Variants in ING4 observed in about 807,000 individuals in gnomAD.
ING4 encodes inhibitor of growth protein 4.
ING4 carries 28 observed loss-of-function variants against 33.1 expected under a neutral mutation model. That is an observed-to-expected ratio of 0.85 (90% CI 0.63 to 1.16). The LOEUF is 1.16. Ranked by LOEUF, ING4 falls within the 50% of genes most tolerant of loss-of-function variation. The pLI is 0.00. For synonymous variants in ING4, 87 were observed against 104.4 expected, an observed-to-expected ratio of 0.83 and a Z score of 1.02; for missense variants, 247 against 314.7, an observed-to-expected ratio of 0.78 and a Z score of 1.63.
intron 1 of ING4, among the ~76,000 whole-genome samples, chr12:6,660,676 TAA>T (rs986377601): frequency 1.3e-5 from 2 of 152,132 alleles, no homozygotes; most frequent in Non-Finnish European, 2.9e-5. Flanking sequence ...CTCTACTGTT[TAA>T]ACCTACAACT....
At chr12:6,658,440 C>T (rs999311105) in intron 1 of ING4, among the ~76,000 whole-genome samples, 7 of 151,584 alleles carry the variant, frequency 4.6e-5, no homozygotes, top group Non-Finnish European at 2.9e-5. Flanking sequence ...AATCCCAGCA[C>T]TTTGGGAGGC....
chr12:6,661,167 G>C (rs569848200), intron 1 of ING4, among the ~76,000 whole-genome samples: 3 of 147,152 alleles, frequency 2.0e-5, no homozygotes, highest in Non-Finnish European at 4.5e-5. Flanking sequence ...GCATGATCTC[G>C]GCCCACTGCA....
At chr12:6,654,272 AG>A (rs1418168526) in intron 2 of ING4, among the ~76,000 whole-genome samples, 1 of 151,980 alleles carries the variant, frequency 6.6e-6, no homozygotes, top group African/African-American at 2.4e-5. Context: ...ATTTAAAATT[AG>A]ACCTTACTCC....
chr12:6,658,396 G>A (rs1949440165), intron 1 of ING4, among the ~76,000 whole-genome samples: 1 of 151,410 alleles, frequency 6.6e-6, no homozygotes, highest in Non-Finnish European at 1.5e-5. Context: ...TTTAAAAAAT[G>A]CAAACCTGGC....
intron 1 of ING4, among the ~76,000 whole-genome samples, chr12:6,658,048 C>A (rs1198867484): frequency 2.0e-5 from 3 of 151,796 alleles, no homozygotes; most frequent in Non-Finnish European, 4.4e-5. Context: ...CAGCCTCCAC[C>A]TCCTGGGTTC....
intron 1 of ING4, among the ~76,000 whole-genome samples, chr12:6,662,514 C>T (rs1949586491): frequency 6.6e-6 from 1 of 152,156 alleles, no homozygotes; most frequent in African/African-American, 2.4e-5. Context: ...GCGCACAGAG[C>T]AATAGGCTTT....
chr12:6,654,349 G>C (rs138530648), intron 2 of ING4, among the ~76,000 whole-genome samples: 3,248 of 140,566 alleles, frequency 0.023, 137 homozygotes, highest in African/African-American at 0.082. Context: ...TTTTTTTTGA[G>C]ACAGGGTCTC....
chr12:6,660,000 TCTCCCC>T (rs1398487757), intron 1 of ING4, among the ~76,000 whole-genome samples: 1 of 152,068 alleles, frequency 6.6e-6, no homozygotes, highest in Non-Finnish European at 1.5e-5. Flanking sequence ...TTGGTATCTG[TCTCCCC>T]AGGCCGAACA....
Position 6,652,703 on chromosome 12 carries a change from T to A in ING4, c.456A>T (p.Glu152Asp). 2 of 1,614,142 alleles carry A rather than the reference T, an allele frequency of 1.2e-6. No homozygotes were observed. Among genetic ancestry groups the A allele is most frequent in the African/African-American group, 1.3e-5 (1 of 75,048 alleles). ...ARSKGKNSDE[E>D]APKTAQKKLK... Reference sequence around the variant, plus strand: ...ACTTCTTCTGGGCAGTCTTGGGGGCTTCTTCATCCGAGTTTTTCCCTTTGG... The same window carrying A: ...ACTTCTTCTGGGCAGTCTTGGGGGCATCTTCATCCGAGTTTTTCCCTTTGG... The change falls in exon 5 of 8, where the codon GAA (glutamate) becomes GAT (aspartate). Residue 152 changes from glutamate (E) to aspartate (D), a missense_variant. Physicochemically the swap from Glu to Asp is conservative, Grantham distance 45 (BLOSUM62 2). Around this residue, in one of 3 missense-constraint regions of ING4, gnomAD observed 198 missense variants for 221.2 expected, o/e 0.89. Transcript: ENST00000341550.
intron 6 of ING4, 71 bp downstream of exon 6, chr12:6,652,200 G>T: frequency 6.5e-7 from 1 of 1,533,686 alleles, no homozygotes; most frequent in Non-Finnish European, 8.9e-7. Context: ...TCAACTGTGG[G>T]ATTTTCCCTC....
intron 2 of ING4, among the ~76,000 whole-genome samples, chr12:6,654,331 C>CT (rs1238643921): frequency 0.039 from 5,474 of 138,928 alleles, 136 homozygotes; most frequent in African/African-American, 0.066. Context: ...CTCTATTTTT[C>CT]TTTTTTTTTT....
intron 6 of ING4, among the ~76,000 whole-genome samples, chr12:6,651,747 G>A (rs1949186296): frequency 6.6e-6 from 1 of 151,930 alleles, no homozygotes; most frequent in South Asian, 2.1e-4. Context: ...TCACCGTGTT[G>A]GCCAGGCCAG....
intron 2 of ING4, among the ~76,000 whole-genome samples, chr12:6,655,405 C>T (rs1949323566): frequency 6.6e-6 from 1 of 152,186 alleles, no homozygotes; most frequent in Admixed American, 6.6e-5. Flanking sequence ...TAGATGTTTA[C>T]TAATATTTGG....
chr12:6,662,022 C>T (rs1431175353), intron 1 of ING4, among the ~76,000 whole-genome samples: 5 of 152,246 alleles, frequency 3.3e-5, no homozygotes, highest in African/African-American at 1.2e-4. Context: ...GCCTCAGCCT[C>T]TTTCTCCAGT....
chr12:6,652,818 T>C, intron 4 of ING4, 51 bp from the exon 5 acceptor site: 1 of 1,584,610 alleles, frequency 6.3e-7, no homozygotes, highest in Non-Finnish European at 8.7e-7. Flanking sequence ...GAAAGATGGG[T>C]TAAGTCCTCT....
rs1949163751 is a variant in ING4 at position 6,651,074 on chromosome 12, G to A, written c.*121C>T. 1.2e-5 allele frequency: 13 copies of A among 1,105,742 alleles called. No individual in the cohort carries two copies. The South Asian group carries it at 1.6e-4, about 14-fold the overall frequency. The allele number at this position is 1,105,742 out of a possible 1,614,324, so 68.5% of individuals were successfully genotyped here. A position where few individuals can be genotyped will look rare whatever the true frequency, so the allele number is the denominator to read the frequency against. On this transcript the variant is annotated 3_prime_UTR_variant, in exon 8 of 8. Transcript: ENST00000341550. ...GGAGTGGGGAGAGGGGAGGAGAAGG[G>A]ATGACAGCACTGTGCCATCCACTCC...
At chr12:6,659,954 CA>C (rs1472587059) in intron 1 of ING4, among the ~76,000 whole-genome samples, 1 of 151,640 alleles carries the variant, frequency 6.6e-6, no homozygotes, top group Non-Finnish European at 1.5e-5. Flanking sequence ...TTTCAAAAAA[CA>C]AAAAAATTAA....
intron 1 of ING4, among the ~76,000 whole-genome samples, chr12:6,659,773 A>G (rs28455167): frequency 6.6e-6 from 1 of 150,460 alleles, no homozygotes; most frequent in African/African-American, 2.5e-5. Flanking sequence ...AGATCGCTCC[A>G]CTGCACTCCA....
At chr12:6,663,007 C>A in intron 1 of ING4, 58 bp downstream of exon 1, 1 of 1,567,698 alleles carries the variant, frequency 6.4e-7, no homozygotes, top group Middle Eastern at 1.7e-4. Flanking sequence ...CAGATCCTCT[C>A]ATCCCTGATC....
Sources: gnomAD v4.1 joint callset for allele counts (sites outside exome capture counted in the v4.1 genomes callset) on GRCh38, gnomAD v4.1.1 for gene constraint, gnomAD v4.1.1 regional missense constraint, MANE v1.5 for transcripts, NCBI Gene and HGNC (gene_info 2026-07-23, HGNC 2026-07-21) for gene names.